Variants in RERG observed in about 807,000 individuals in gnomAD.
The protein encoded by RERG is ras-related and estrogen-regulated growth inhibitor.
In RERG, 25 loss-of-function variants were observed where a neutral mutation model predicts 23.2. The observed-to-expected ratio is 1.08, with a 90% CI of 0.79 to 1.50. The LOEUF is 1.50. Among genes scored for constraint, RERG ranks in the 40% most tolerant of loss-of-function variants. RERG has a pLI of 0.00. For missense variants in RERG, 253 were observed against 250.1 expected (o/e 1.01, Z -0.08); for synonymous variants, 81 against 89.1 (o/e 0.91, Z 0.51).
chr12:15,111,093 G>C (rs113401530), intron 4 of RERG: 7 of 309,790 alleles, frequency 2.3e-5, no homozygotes, highest in African/African-American at 1.3e-4. Flanking sequence ...ATAGGTGAGA[G>C]AGTCTAACCT....
chr12:15,217,709 G>T, intron 1 of RERG, 106 bp from the exon 2 acceptor site: 1 of 499,244 alleles, frequency 2.0e-6, no homozygotes, highest in East Asian at 3.5e-5. Flanking sequence ...AACATTTTCT[G>T]GTTTGATCTT....
At chr12:15,191,154 A>C (rs1386530682) in intron 2 of RERG, among the ~76,000 whole-genome samples, 1 of 152,160 alleles carries the variant, frequency 6.6e-6, no homozygotes, top group Admixed American at 6.5e-5. Context: ...GGTGCCTGTC[A>C]CACCCACACA....
At chr12:15,215,239 C>G (rs559817198) in intron 2 of RERG, among the ~76,000 whole-genome samples, 4 of 152,280 alleles carry the variant, frequency 2.6e-5, no homozygotes, top group East Asian at 1.9e-4. Flanking sequence ...AATTTGATCT[C>G]TCTGTGCAGG....
rs139529263 is a variant in RERG at position 15,206,591 on chromosome 12, C to T, written c.61+10838G>A. On this transcript the variant is annotated intron_variant, in intron 2 of 4. Transcript: ENST00000256953. ...ATTCTCTGGCTTCGGTGCAGACCTACTGAGTCAGAACCTGTGGAGGTGGGG... is the reference window on the plus strand; with the variant it reads ...ATTCTCTGGCTTCGGTGCAGACCTATTGAGTCAGAACCTGTGGAGGTGGGG... Among the ~76,000 whole-genome samples the T allele has an allele frequency of 5.6e-3, 849 of 152,218 alleles. 10 individuals are homozygous for T. The highest frequency in any genetic ancestry group is 0.019 in the African/African-American group (801 of 41,546).
At chr12:15,114,427 T>C (rs1471741960) in intron 3 of RERG, 1 of 152,112 alleles carries the variant, frequency 6.6e-6, no homozygotes, top group Non-Finnish European at 1.5e-5. Context: ...GGCCAAAGTA[T>C]ACAAAGAAGA....
At chr12:15,206,005 G>A (rs149524295) in intron 2 of RERG, among the ~76,000 whole-genome samples, 2 of 152,098 alleles carry the variant, frequency 1.3e-5, no homozygotes, top group Non-Finnish European at 2.9e-5. Flanking sequence ...AAGGTTATGG[G>A]TTCAACTCCT....
At chr12:15,121,626 C>G (rs564153005) in intron 2 of RERG, among the ~76,000 whole-genome samples, 153 of 152,308 alleles carry the variant, frequency 1.0e-3, no homozygotes, top group African/African-American at 3.4e-3. Flanking sequence ...GAAAACTCAT[C>G]AAAAGTAGCA....
intron 2 of RERG, among the ~76,000 whole-genome samples, chr12:15,176,768 T>A (rs1433174668): frequency 6.6e-6 from 1 of 152,220 alleles, no homozygotes; most frequent in East Asian, 1.9e-4. Context: ...TTGTTATTCT[T>A]TAAAACTATT....
intron 2 of RERG, among the ~76,000 whole-genome samples, chr12:15,175,748 C>A (rs983730641): frequency 5.3e-5 from 8 of 152,084 alleles, no homozygotes; most frequent in Admixed American, 2.6e-4. Context: ...AACAACTGCT[C>A]CTTTTGAGTG....
chr12:15,154,503 G>A (rs1297208484), intron 2 of RERG, among the ~76,000 whole-genome samples: 1 of 152,178 alleles, frequency 6.6e-6, no homozygotes, highest in East Asian at 1.9e-4. Context: ...ATCAGGGATT[G>A]ATTGTATTTC....
chr12:15,110,463 C>CTTTTTTTTTTTTTTTTTTTTTTTTTTT lies in RERG; in HGVS notation c.192+854_192+880dup, dbSNP rs869218147. On this transcript the variant is annotated intron_variant, in intron 4 of 4. Coordinates refer to ENST00000256953, the MANE Select transcript of RERG (RefSeq NM_032918.3). ...CTGTCATTCCAGTGGCCATTTTTTT[C>CTTTTTTTTTTTTTTTTTTTTTTTTTTT]TTTTTTTTTTTTTTTTTTTTTTTTT... Among the ~76,000 whole-genome samples the CTTTTTTTTTTTTTTTTTTTTTTTTTTT allele has an allele frequency of 4.1e-5, 3 of 73,082 alleles. 1 individual carries two copies. Among genetic ancestry groups the CTTTTTTTTTTTTTTTTTTTTTTTTTTT allele is most frequent in the African/African-American group, 1.8e-4 (3 of 16,736 alleles). 47.9% of individuals were successfully genotyped at this position (73,082 alleles called of 152,430 possible).
Position 15,200,032 on chromosome 12 carries a change from C to A in RERG, c.61+17397G>T, listed in dbSNP as rs371817224. Among the ~76,000 whole-genome samples, 78 of 152,118 alleles carry A rather than the reference C, an allele frequency of 5.1e-4. 1 individual carries two copies. The South Asian group carries it at 8.1e-3, about 16-fold the overall frequency. On this transcript the variant is annotated intron_variant, in intron 2 of 4. Coordinates refer to ENST00000256953, the MANE Select transcript of RERG (RefSeq NM_032918.3). ...ATATTGTAACTCCACACGAAGTGCA[C>A]AAACTTAGAATAAACTTGGCTGAGT...
chr12:15,195,133 C>T (rs948707495), intron 2 of RERG, among the ~76,000 whole-genome samples: 1 of 151,968 alleles, frequency 6.6e-6, no homozygotes, highest in African/African-American at 2.4e-5. Context: ...ATAGTCATGG[C>T]TAATGAATAA....
At chr12:15,175,769 G>T (rs73306754) in intron 2 of RERG, among the ~76,000 whole-genome samples, 10,056 of 152,060 alleles carry the variant, frequency 0.066, 1,118 homozygotes, top group African/African-American at 0.23. Flanking sequence ...GGCTTTTCCA[G>T]AGGCTGTGAG....
chr12:15,125,372 CT>C (rs1348604765), intron 2 of RERG, among the ~76,000 whole-genome samples: 1 of 151,954 alleles, frequency 6.6e-6, no homozygotes, highest in Admixed American at 6.6e-5. Context: ...AGCTTAAAAA[CT>C]ACATGAATAA....
chr12:15,109,421 G>A lies in RERG; in HGVS notation c.289C>T (p.Pro97Ser). 1 of 1,613,948 alleles carries A rather than the reference G, an allele frequency of 6.2e-7. No individual in the cohort carries two copies. The highest frequency in any genetic ancestry group is 2.2e-5 in the East Asian group (1 of 44,860). ...ATCTCATCTAGGATGTTCTTAAGTG[G>A]CAGCACTTCCTCAAAACTTCCTCGG... ...TDRGSFEEVL[P>S]LKNILDEIKK... Residue 97 changes from proline to serine, a missense_variant, in exon 5 of 5, where the codon CCA becomes TCA. Pro to Ser is a moderately conservative substitution (Grantham distance 74). Coordinates refer to ENST00000256953, the MANE Select transcript of RERG (RefSeq NM_032918.3).
At chr12:15,152,107 G>A (rs769156449) in intron 2 of RERG, 19 of 152,192 alleles carry the variant, frequency 1.2e-4, no homozygotes, top group Non-Finnish European at 2.5e-4. Flanking sequence ...AAGTACCATT[G>A]CTGTTCAGTG....
intron 2 of RERG, among the ~76,000 whole-genome samples, chr12:15,209,708 T>A (rs535358575): frequency 5.3e-4 from 81 of 152,342 alleles, no homozygotes; most frequent in African/African-American, 1.8e-3. Flanking sequence ...CCATCAGGTT[T>A]TACAAAGTTT....
rs1049181662 is a variant in RERG, at chr12:15,161,864, A to T, written c.62-40745T>A. Among the ~76,000 whole-genome samples the T allele has an allele frequency of 7.2e-5, 11 of 152,198 alleles. 1 individual carries two copies. Among genetic ancestry groups the T allele is most frequent in the African/African-American group, 2.7e-4 (11 of 41,436 alleles). ...GCATTAAAAATCCTCTTCCCAAAACATACAAAGTATATTCTGTTATTATTC... is the reference window on the plus strand; with the variant it reads ...GCATTAAAAATCCTCTTCCCAAAACTTACAAAGTATATTCTGTTATTATTC... On this transcript the variant is annotated intron_variant, in intron 2 of 4. Transcript: ENST00000256953.
Sources: allele counts gnomAD v4.1 joint callset (sites outside exome capture counted in the v4.1 genomes callset), GRCh38; gene constraint gnomAD v4.1.1; transcripts MANE v1.5; gene names NCBI Gene and HGNC (gene_info 2026-07-23, HGNC 2026-07-21).